Variants in MTF2 observed in about 807,000 individuals in gnomAD.
MTF2 encodes the protein metal-response element-binding transcription factor 2.
A neutral mutation model predicts 79.5 loss-of-function variants in MTF2; 11 were observed. The ratio of observed to expected loss-of-function variants is 0.14; its 90% CI spans 0.09 to 0.23. The LOEUF (loss-of-function observed/expected upper bound fraction) is 0.23. MTF2 is among the 10% of genes least tolerant of loss of function. MTF2 has a pLI of 1.00. For missense variants in MTF2, 486 were observed against 711.2 expected, an observed-to-expected ratio of 0.68 and a Z score of 3.60; for synonymous variants, 208 against 232.8, an observed-to-expected ratio of 0.89 and a Z score of 0.97.
At chr1:93,101,392 T>TTA (rs1296701776) in intron 1 of MTF2, among the ~76,000 whole-genome samples, 4 of 131,902 alleles carry the variant, frequency 3.0e-5, no homozygotes, top group Non-Finnish European at 4.9e-5. Context: ...TTTTTTTTTT[T>TTA]AAAAGGAGAT....
chr1:93,100,282 T>G (rs1409678689), intron 1 of MTF2, among the ~76,000 whole-genome samples: 1 of 151,712 alleles, frequency 6.6e-6, no homozygotes, highest in African/African-American at 2.4e-5. Flanking sequence ...AAAGCATATA[T>G]GTGGCATTAT....
At chr1:93,127,748 G>A (rs1427587219) in intron 10 of MTF2, among the ~76,000 whole-genome samples, 1 of 152,004 alleles carries the variant, frequency 6.6e-6, no homozygotes, top group Admixed American at 6.6e-5. Context: ...TAGCTGAGTA[G>A]TCTAAGATAA....
chr1:93,110,241 G>C lies in MTF2; in HGVS notation c.17G>C (p.Gly6Ala). ...TATTCTCTAAACAGAGACTCTACAG[G>C]GGCAGGTAATTCACTGGTCCACAAG... MRDST[G>A]AGNSLVHKRS... The change falls in exon 2 of 15, where the codon GGG (glycine) becomes GCG (alanine). Residue 6 changes from glycine (G) to alanine (A), a missense_variant. Around this residue, in one of 4 missense-constraint regions of MTF2, gnomAD observed 75 missense variants for 83.8 expected, o/e 0.89. Coordinates refer to ENST00000370298, the MANE Select transcript of MTF2 (RefSeq NM_007358.4). 1 of 1,613,970 alleles carries C rather than the reference G, an allele frequency of 6.2e-7. No individual in the cohort carries two copies. The highest frequency in any genetic ancestry group is 8.5e-7 in the Non-Finnish European group (1 of 1,179,952).
Position 93,079,302 on chromosome 1 carries a change from T to G in MTF2, c.-225T>G. The G allele has an allele frequency of 1.8e-6, 1 of 542,116 alleles. No individual in the cohort carries two copies. Among genetic ancestry groups the G allele is most frequent in the South Asian group, 2.5e-5 (1 of 40,626 alleles). The allele number at this position is 542,116 out of a possible 1,614,324, so 33.6% of individuals were successfully genotyped here. ...ACCGGCAGTCCGCGGGAAACCAAAA[T>G]GGCGAGGGGCTGTATTGAAGTGGGC... On this transcript the variant is annotated 5_prime_UTR_variant, in exon 1 of 15. It removes an upstream start codon present in the reference 5' UTR. Coordinates refer to ENST00000370298, the MANE Select transcript of MTF2 (RefSeq NM_007358.4).
chr1:93,087,229 A>G (rs973424398), intron 1 of MTF2, among the ~76,000 whole-genome samples: 1 of 152,214 alleles, frequency 6.6e-6, no homozygotes. Context: ...AACCATCTGT[A>G]GGAATGCATC....
chr1:93,123,304 A>G (rs1222773675), intron 9 of MTF2, among the ~76,000 whole-genome samples: 1 of 146,704 alleles, frequency 6.8e-6, no homozygotes, highest in Admixed American at 6.9e-5. Context: ...CTGGAGTGCA[A>G]TGGTACAGTC....
Position 93,133,796 on chromosome 1 carries a change from T to G in MTF2, c.1254T>G (p.Ala418=), listed in dbSNP as rs1647249255. The G allele has an allele frequency of 6.2e-7, 1 of 1,607,496 alleles. No individual in the cohort carries two copies. Among genetic ancestry groups the G allele is most frequent in the East Asian group, 2.2e-5 (1 of 44,738 alleles). The part of the protein sequence containing the change: ...PYTRKMIQKT[A]EPLLDKESIS... ...CAAGAAAAATGATTCAAAAAACTGC[T>G]GAGCCACTTTTGGTAAGAGGATATG... Residue 418 remains alanine, a synonymous_variant, in exon 12 of 15, where the codon GCT becomes GCG. Coordinates refer to ENST00000370298, the MANE Select transcript of MTF2 (RefSeq NM_007358.4).
intron 1 of MTF2, among the ~76,000 whole-genome samples, chr1:93,104,839 T>C (rs537384896): frequency 6.6e-6 from 1 of 151,742 alleles, no homozygotes; most frequent in Non-Finnish European, 1.5e-5. Context: ...ATGCAGAGAT[T>C]GAGGATACAA....
intron 9 of MTF2, among the ~76,000 whole-genome samples, chr1:93,123,210 C>CTTTT (rs749700655): frequency 7.8e-4 from 73 of 93,946 alleles, no homozygotes; most frequent in East Asian, 1.2e-3. Context: ...TCAGCTCTTT[C>CTTTT]TTTTTTTTTT....
chr1:93,083,437 A>G (rs1324474977), intron 1 of MTF2, among the ~76,000 whole-genome samples: 15 of 152,226 alleles, frequency 9.9e-5, no homozygotes, highest in Admixed American at 9.8e-4. Flanking sequence ...CATTATATGA[A>G]TATACCTTTT....
chr1:93,088,263 T>C lies in MTF2; in HGVS notation c.5+8732T>C, dbSNP rs145465077. Among the ~76,000 whole-genome samples, 680 of 152,360 alleles carry C rather than the reference T, an allele frequency of 4.5e-3. 1 individual carries two copies. The highest frequency in any genetic ancestry group is 0.014 in the Middle Eastern group (4 of 294). On this transcript the variant is annotated intron_variant, in intron 1 of 14. Transcript: ENST00000370298. ...AATTCTGGACTTGAACATGAATGTATGTACCTGTACTTAATTCACATTTAT... is the reference window on the plus strand; with the variant it reads ...AATTCTGGACTTGAACATGAATGTACGTACCTGTACTTAATTCACATTTAT...
intron 1 of MTF2, 60 bp downstream of exon 1, chr1:93,079,591 G>A (rs1279203354): frequency 5.6e-6 from 9 of 1,599,876 alleles, no homozygotes; most frequent in African/African-American, 2.7e-5. Context: ...GGGGGAAGGA[G>A]GAAGAAAGGA....
At chr1:93,129,537 G>T in intron 11 of MTF2, 89 bp downstream of exon 11, 51 of 805,456 alleles carry the variant, frequency 6.3e-5, no homozygotes, top group Non-Finnish European at 7.7e-5. Context: ...ATATTTGAAA[G>T]TACAAGTGGC....
Position 93,118,324 on chromosome 1 carries a change from CT to C in MTF2, c.633-15del. 7.9e-7 allele frequency: 1 copy of C among 1,259,910 alleles called. No individual in the cohort carries two copies. Among genetic ancestry groups the C allele is most frequent in the South Asian group, 1.5e-5 (1 of 65,192 alleles). 78.0% of individuals were successfully genotyped at this position (1,259,910 alleles called of 1,614,324 possible). On this transcript the variant is annotated intron_variant, in intron 6 of 14. Coordinates refer to ENST00000370298, the MANE Select transcript of MTF2 (RefSeq NM_007358.4). ...CTTAAGACAGGAATTTTAGTGTTAA[CT>C]TTTTTGTTTTTTTTAATAGCTGGTA...
intron 1 of MTF2, among the ~76,000 whole-genome samples, chr1:93,101,155 C>T (rs1348125840): frequency 6.6e-6 from 1 of 152,118 alleles, no homozygotes; most frequent in Admixed American, 6.5e-5. Flanking sequence ...TTTTCAACTT[C>T]TTGAATCAGG....
chr1:93,118,324 CTT>C lies in MTF2; in HGVS notation c.633-16_633-15del, dbSNP rs763082760. 3.2e-6 allele frequency: 4 copies of C among 1,259,912 alleles called. No homozygotes were observed. The African/African-American group carries it at 5.4e-5, about 17-fold the overall frequency. The allele number at this position is 1,259,912 out of a possible 1,614,324, so 78.0% of individuals were successfully genotyped here. Reference sequence around the variant, plus strand: ...CTTAAGACAGGAATTTTAGTGTTAACTTTTTTGTTTTTTTTAATAGCTGGTAT... The same window carrying C: ...CTTAAGACAGGAATTTTAGTGTTAACTTTTGTTTTTTTTAATAGCTGGTAT... On this transcript the variant is annotated intron_variant, in intron 6 of 14. Coordinates refer to ENST00000370298, the MANE Select transcript of MTF2 (RefSeq NM_007358.4).
rs558155236 is a variant in MTF2 at position 93,082,032 on chromosome 1, G to A, written c.5+2501G>A. The stretch of plus-strand genomic sequence containing the variant: ...ATTTTTACCACATACCATGTCTTCT[G>A]TCATATTTCTGTTTTCATATAACAT... On this transcript the variant is annotated intron_variant, in intron 1 of 14. Coordinates refer to ENST00000370298, the MANE Select transcript of MTF2 (RefSeq NM_007358.4). Among the ~76,000 whole-genome samples, 105 of 152,164 alleles carry A rather than the reference G, an allele frequency of 6.9e-4. 1 individual carries two copies. Among genetic ancestry groups the A allele is most frequent in the African/African-American group, 2.0e-3 (82 of 41,514 alleles).
intron 11 of MTF2, among the ~76,000 whole-genome samples, chr1:93,132,945 A>G (rs545856289): frequency 5.7e-4 from 86 of 152,026 alleles, no homozygotes; most frequent in Non-Finnish European, 1.1e-3. Flanking sequence ...TATGGTAGCT[A>G]TTGCTGAGTA....
Position 93,134,313 on chromosome 1 carries a change from CT to C in MTF2, c.1424+123del. The C allele has an allele frequency of 6.9e-6, 5 of 722,870 alleles. No individual in the cohort carries two copies. In the South Asian group the frequency reaches 9.9e-5, roughly 14 times the overall value. The allele number at this position is 722,870 out of a possible 1,614,324, so 44.8% of individuals were successfully genotyped here. On this transcript the variant is annotated intron_variant, in intron 14 of 14. Coordinates refer to ENST00000370298, the MANE Select transcript of MTF2 (RefSeq NM_007358.4). ...AAGTGATGTAAGTTGTGTCTATCAG[CT>C]TTTTGAGAGGTAATCCATATGTAGA... is the stretch of plus-strand genomic sequence containing the variant.
Sources: gnomAD v4.1 joint callset for allele counts (sites outside exome capture counted in the v4.1 genomes callset) on GRCh38, gnomAD v4.1.1 for gene constraint, gnomAD v4.1.1 regional missense constraint, MANE v1.5 for transcripts, NCBI Gene and HGNC (gene_info 2026-07-23, HGNC 2026-07-21) for gene names.